The following SNRPN variants were observed in gnomAD, a reference collection of about 807,000 sequenced individuals.
The protein encoded by SNRPN is small nuclear ribonucleoprotein-associated protein N.
Under a neutral mutation model 25.2 loss-of-function variants are expected in SNRPN, and 7 were observed. That is an observed-to-expected ratio of 0.28 (90% CI 0.16 to 0.52). SNRPN has a LOEUF of 0.52. SNRPN is among the 20% of genes least tolerant of loss of function. The probability of loss-of-function intolerance (pLI) is 0.96; values close to 1 mark genes in which losing one functional copy is unlikely to be tolerated. For missense variants in SNRPN, 196 were observed against 322.5 expected, an observed-to-expected ratio of 0.61 and a Z score of 3.00; for synonymous variants, 124 against 110.6, an observed-to-expected ratio of 1.12 and a Z score of -0.76.
At position 24,872,218 on chromosome 15, in the gene SNRPN, A is replaced by G. The variant is rs866101571; in HGVS notation, c.-578-14298A>G. ...GTATCACTTTTGTTGCCCAGGTTGG[A>G]GTGCAGTGGCACAATCTCAGCTCAC... On this transcript the variant is annotated intron_variant, in intron 1 of 11. Transcript: ENST00000400097. Among the ~76,000 whole-genome samples, 16 of 117,058 alleles carry G rather than the reference A, an allele frequency of 1.4e-4. 1 individual carries two copies. Among genetic ancestry groups the G allele is most frequent in the African/African-American group, 3.8e-4 (13 of 34,352 alleles). 76.8% of individuals were successfully genotyped at this position (117,058 alleles called of 152,430 possible).
At chr15:24,977,378 G>A (rs1346791782) in intron 7 of SNRPN, among the ~76,000 whole-genome samples, 1 of 152,024 alleles carries the variant, frequency 6.6e-6, no homozygotes, top group Non-Finnish European at 1.5e-5. Context: ...AGTGGCTTAC[G>A]CCTGTAATCC....
At chr15:24,970,117 A>G (rs1043755712) in intron 3 of SNRPN, among the ~76,000 whole-genome samples, 3 of 152,204 alleles carry the variant, frequency 2.0e-5, no homozygotes, top group African/African-American at 7.2e-5. Flanking sequence ...CGAAGTATAC[A>G]TTACAGCGTA....
chr15:24,868,423 G>T (rs1276055576), intron 1 of SNRPN, among the ~76,000 whole-genome samples: 1 of 152,164 alleles, frequency 6.6e-6, no homozygotes, highest in African/African-American at 2.4e-5. Flanking sequence ...CTCCATCAAA[G>T]CTACAAGGGG....
intron 1 of SNRPN, among the ~76,000 whole-genome samples, chr15:24,868,505 G>A (rs964235801): frequency 6.6e-6 from 1 of 152,164 alleles, no homozygotes; most frequent in African/African-American, 2.4e-5. Context: ...CTTCAGCTGT[G>A]CTCTATTCTC....
intron 2 of SNRPN, among the ~76,000 whole-genome samples, chr15:24,832,926 G>A (rs4262924): frequency 0.14 from 21,334 of 151,554 alleles, 1,748 homozygotes; most frequent in East Asian, 0.27. Context: ...CTAACACGGT[G>A]AAACCCCGTC....
At chr15:24,862,322 C>T (rs528460892) in intron 1 of SNRPN, among the ~76,000 whole-genome samples, 1 of 151,076 alleles carries the variant, frequency 6.6e-6, no homozygotes, top group Non-Finnish European at 1.5e-5. Flanking sequence ...GTAGAAGCAG[C>T]ATGGCCCATG....
intron 2 of SNRPN, among the ~76,000 whole-genome samples, chr15:24,834,603 C>G (rs2050849380): frequency 1.3e-5 from 2 of 151,342 alleles, no homozygotes; most frequent in African/African-American, 4.9e-5. Flanking sequence ...ATGGTAGTGA[C>G]CGTCTGTTGT....
intron 2 of SNRPN, among the ~76,000 whole-genome samples, chr15:24,916,451 G>T (rs1595880512): frequency 6.6e-6 from 1 of 152,042 alleles, no homozygotes; most frequent in East Asian, 1.9e-4. Context: ...TTACTTAGGA[G>T]GCTAAGGCAG....
At chr15:24,977,218 AGTTACCCAG>A (rs1361711565) in intron 7 of SNRPN, among the ~76,000 whole-genome samples, 189 bp downstream of exon 7, 1 of 152,246 alleles carries the variant, frequency 6.6e-6, no homozygotes, top group Non-Finnish European at 1.5e-5. Flanking sequence ...GGGTGATTAA[AGTTACCCAG>A]GTTACTCTTG....
intron 1 of SNRPN, among the ~76,000 whole-genome samples, chr15:24,956,060 CAG>C (rs2062809863): frequency 6.6e-6 from 1 of 152,062 alleles, no homozygotes; most frequent in Admixed American, 6.5e-5. Flanking sequence ...TACACTGCCG[CAG>C]GGGCTGCAGA....
chr15:24,859,271 C>T (rs2053757161), intron 1 of SNRPN, among the ~76,000 whole-genome samples: 1 of 152,100 alleles, frequency 6.6e-6, no homozygotes, highest in Non-Finnish European at 1.5e-5. Flanking sequence ...TGTTCAATCT[C>T]CCTTAGGATT....
intron 1 of SNRPN, among the ~76,000 whole-genome samples, chr15:24,858,988 C>G (rs755574811): frequency 7.9e-5 from 12 of 152,062 alleles, no homozygotes; most frequent in Non-Finnish European, 1.8e-4. Context: ...GACTAGCTCT[C>G]TAGCTCATTG....
At chr15:24,924,401 ATAGGAGCCAATCTTCCCTGGT>A (rs1006817332) in intron 3 of SNRPN, among the ~76,000 whole-genome samples, 1 of 151,990 alleles carries the variant, frequency 6.6e-6, no homozygotes, top group Non-Finnish European at 1.5e-5. Context: ...CTCTCCTGTG[ATAGGAGCCAATCTTCCCTGGT>A]TAGTGAGTTT....
intron 2 of SNRPN, among the ~76,000 whole-genome samples, chr15:24,889,117 CA>C (rs2057437492): frequency 6.6e-6 from 1 of 151,810 alleles, no homozygotes; most frequent in African/African-American, 2.4e-5. Flanking sequence ...AGGGTTTCAC[CA>C]TGTTGGCCAG....
chr15:24,839,107 C>T (rs2051460007), intron 2 of SNRPN, among the ~76,000 whole-genome samples: 2 of 152,050 alleles, frequency 1.3e-5, no homozygotes, highest in South Asian at 4.1e-4. Flanking sequence ...TGCTGCAGTG[C>T]CCCATTTCCC....
chr15:24,970,917 A>G (rs2076318860), intron 3 of SNRPN, among the ~76,000 whole-genome samples: 1 of 151,868 alleles, frequency 6.6e-6, no homozygotes, highest in Admixed American at 6.6e-5. Context: ...TTCTTTTGTC[A>G]CTTGTTTTTG....
At chr15:24,953,695 G>A (rs75163707), upstream of SNRPN, among the ~76,000 whole-genome samples, 2,369 of 152,218 alleles carry the variant, frequency 0.016, 62 homozygotes, top group African/African-American at 0.054. Flanking sequence ...ATGTATCAAT[G>A]AACTATTAGA....
chr15:24,843,104 G>A (rs934052468), intron 2 of SNRPN, among the ~76,000 whole-genome samples: 7 of 151,742 alleles, frequency 4.6e-5, no homozygotes, highest in East Asian at 1.9e-4. Context: ...ACAGAGTTTC[G>A]CTCCTGTTGC....
At chr15:24,907,043 A>G (rs2058846272) in intron 2 of SNRPN, among the ~76,000 whole-genome samples, 2 of 152,100 alleles carry the variant, frequency 1.3e-5, no homozygotes, top group Admixed American at 1.3e-4. Flanking sequence ...AGGGTAAAAT[A>G]ATGCCAAAAA....
Sources: allele counts gnomAD v4.1 joint callset (sites outside exome capture counted in the v4.1 genomes callset), GRCh38; gene constraint gnomAD v4.1.1; transcripts MANE v1.5; gene names NCBI Gene and HGNC (gene_info 2026-07-23, HGNC 2026-07-21).